EPN2: variants seen among roughly 807,000 people sequenced by gnomAD.
EPN2 encodes epsin 2.
Under a neutral mutation model 61.7 loss-of-function variants are expected in EPN2, and 34 were observed. That is an observed-to-expected ratio of 0.55 (90% CI 0.42 to 0.73). The LOEUF (loss-of-function observed/expected upper bound fraction) is 0.73. Among genes scored for constraint, EPN2 ranks in the 30% least tolerant of loss-of-function variants. EPN2 has a pLI of 0.00. For missense variants in EPN2, 714 were observed against 839.2 expected, an observed-to-expected ratio of 0.85 and a Z score of 1.84; for synonymous variants, 349 against 353.6, an observed-to-expected ratio of 0.99 and a Z score of 0.15.
intron 1 of EPN2, among the ~76,000 whole-genome samples, chr17:19,243,116 T>G (rs1302338768): frequency 2.0e-5 from 3 of 152,122 alleles, no homozygotes; most frequent in African/African-American, 7.2e-5. Flanking sequence ...GCCTTGTTTC[T>G]CAAACTCCTG....
intron 5 of EPN2, among the ~76,000 whole-genome samples, chr17:19,311,452 T>A (rs1408969416): frequency 6.6e-6 from 1 of 152,108 alleles, no homozygotes; most frequent in Non-Finnish European, 1.5e-5. Flanking sequence ...TGAGACCCTA[T>A]CTCTTAAAAA....
chr17:19,284,592 A>G (rs1356203409), intron 3 of EPN2, among the ~76,000 whole-genome samples: 1 of 152,240 alleles, frequency 6.6e-6, no homozygotes, highest in Non-Finnish European at 1.5e-5. Context: ...TGCTAAAACA[A>G]AAGTGCAGAT....
intron 1 of EPN2, among the ~76,000 whole-genome samples, chr17:19,244,547 T>C (rs976065847): frequency 1.3e-5 from 2 of 152,124 alleles, no homozygotes; most frequent in Non-Finnish European, 1.5e-5. Flanking sequence ...CCACTTGGCA[T>C]GGACCACTGG....
chr17:19,288,332 C>T (rs1180353343), intron 4 of EPN2, among the ~76,000 whole-genome samples: 1 of 152,238 alleles, frequency 6.6e-6, no homozygotes, highest in Non-Finnish European at 1.5e-5. Context: ...GCCCCTTGCC[C>T]TCGTGGAGCT....
rs1907331223 is a variant in EPN2, at chr17:19,334,934, A to T, written c.*680A>T. On this transcript the variant is annotated 3_prime_UTR_variant, in exon 11 of 11. Transcript: ENST00000314728. This position sits in a 1 kb window ranked among gnomAD's most constrained non-coding sequence, Gnocchi z 4.9. The stretch of plus-strand genomic sequence containing the variant: ...GTCTTTTTTTGGCTAATATTTTTAT[A>T]ACGTGGTTCTTATTTAACTGTCTAG... 1 of 153,906 alleles carries T rather than the reference A, an allele frequency of 6.5e-6. No homozygotes were observed. Among genetic ancestry groups the T allele is most frequent in the South Asian group, 2.0e-4 (1 of 4,926 alleles). 9.5% of individuals were successfully genotyped at this position (153,906 alleles called of 1,614,324 possible).
intron 7 of EPN2, among the ~76,000 whole-genome samples, chr17:19,324,722 GA>G (rs1294529942): frequency 5.3e-5 from 8 of 152,164 alleles, no homozygotes; most frequent in African/African-American, 1.7e-4. Flanking sequence ...TAGTAAAAAA[GA>G]TATAATGAAG....
chr17:19,300,531 C>T lies in EPN2; in HGVS notation c.767-9354C>T, dbSNP rs556300900. ...GCAGCCTCCGCCTCCTGGGTTCAGGCGATTCTCCTGCCTCAGCCTCCCAAG... is the reference window on the plus strand; with the variant it reads ...GCAGCCTCCGCCTCCTGGGTTCAGGTGATTCTCCTGCCTCAGCCTCCCAAG... On this transcript the variant is annotated intron_variant, in intron 4 of 10. Coordinates refer to ENST00000314728, the MANE Select transcript of EPN2 (RefSeq NM_014964.5). Among the ~76,000 whole-genome samples the T allele has an allele frequency of 1.1e-4, 16 of 144,988 alleles. No individual in the cohort carries two copies. The East Asian group carries it at 1.9e-3, about 17-fold the overall frequency.
At position 19,335,419 on chromosome 17, in the gene EPN2, A is replaced by G; in HGVS notation, c.*1165A>G. The stretch of plus-strand genomic sequence containing the variant: ...TTTTATTAAAGGCATGCAGGGATTA[A>G]CAGGACTTCTGTTTACAATGGAAAT... On this transcript the variant is annotated 3_prime_UTR_variant, in exon 11 of 11. Coordinates refer to ENST00000314728, the MANE Select transcript of EPN2 (RefSeq NM_014964.5). The G allele has an allele frequency of 6.5e-7, 1 of 1,550,286 alleles. No individual in the cohort carries two copies.
intron 7 of EPN2, among the ~76,000 whole-genome samples, chr17:19,322,188 G>A (rs1414587666): frequency 6.6e-6 from 1 of 152,242 alleles, no homozygotes; most frequent in Non-Finnish European, 1.5e-5. Flanking sequence ...GCCTCTAGAA[G>A]GTTGTGGGTT....
chr17:19,283,136 TC>T lies in EPN2; in HGVS notation c.18del (p.Arg7AspfsTer4). ...AAAATAAAAATGACGACTTCGTCTA[TC>T]AGACGGCAGATGAAAAACATCGTGA... is the stretch of plus-strand genomic sequence containing the variant. MTTSS[I>X]RRQMKNIVNN... On this transcript the variant is annotated frameshift_variant, in exon 3 of 11. Coordinates refer to ENST00000314728, the MANE Select transcript of EPN2 (RefSeq NM_014964.5). LOFTEE classifies it high-confidence loss of function. The surrounding 1 kb of genome is among the most constrained non-coding windows in gnomAD (Gnocchi z 7.0). The T allele has an allele frequency of 6.2e-7, 1 of 1,610,346 alleles. No individual in the cohort carries two copies. Among genetic ancestry groups the T allele is most frequent in the Non-Finnish European group, 8.5e-7 (1 of 1,178,376 alleles).
chr17:19,276,213 A>G (rs1014851615), intron 1 of EPN2, among the ~76,000 whole-genome samples: 4 of 152,014 alleles, frequency 2.6e-5, no homozygotes, highest in African/African-American at 9.7e-5. Flanking sequence ...TTTTTGAGAC[A>G]AAGTTGCTCT....
chr17:19,316,602 T>C (rs1279913291), intron 7 of EPN2, among the ~76,000 whole-genome samples: 1 of 152,228 alleles, frequency 6.6e-6, no homozygotes, highest in Non-Finnish European at 1.5e-5. Context: ...CTTGTCTGCT[T>C]CCTGTCTTTT....
At chr17:19,257,848 G>A (rs1024685371) in intron 1 of EPN2, 2 of 152,164 alleles carry the variant, frequency 1.3e-5, no homozygotes, top group African/African-American at 4.8e-5. Flanking sequence ...AATTGTGTTT[G>A]TTTAGTCCTC....
At chr17:19,281,780 C>T (rs2045361003) in intron 1 of EPN2, among the ~76,000 whole-genome samples, 175 bp from the exon 2 acceptor site, 1 of 152,022 alleles carries the variant, frequency 6.6e-6, no homozygotes, top group Non-Finnish European at 1.5e-5. Flanking sequence ...GGGTGGAGCC[C>T]CTTGCTTCCT....
At chr17:19,301,040 A>G (rs970164860) in intron 4 of EPN2, among the ~76,000 whole-genome samples, 1 of 152,142 alleles carries the variant, frequency 6.6e-6, no homozygotes, top group Non-Finnish European at 1.5e-5. Flanking sequence ...AGCAGCATAC[A>G]CAGTGTGAGG....
intron 7 of EPN2, among the ~76,000 whole-genome samples, chr17:19,326,529 T>C (rs1352380454): frequency 1.3e-5 from 2 of 151,364 alleles, no homozygotes; most frequent in Non-Finnish European, 2.9e-5. Context: ...TCCTAAAAAA[T>C]ACAAAAAATA....
chr17:19,323,620 A>G (rs1208436049), intron 7 of EPN2, among the ~76,000 whole-genome samples: 1 of 152,272 alleles, frequency 6.6e-6, no homozygotes. Context: ...ATTGACAGCA[A>G]CAGTAGATGT....
At chr17:19,321,674 G>A (rs973663968) in intron 7 of EPN2, among the ~76,000 whole-genome samples, 1 of 151,766 alleles carries the variant, frequency 6.6e-6, no homozygotes, top group African/African-American at 2.4e-5. Context: ...GGGAGATGAT[G>A]CATGGTCAGG....
intron 6 of EPN2, 75 bp downstream of exon 6, chr17:19,312,219 C>T: frequency 1.9e-6 from 2 of 1,053,928 alleles, no homozygotes; most frequent in East Asian, 2.4e-5. Context: ...CACCAACTTG[C>T]CTGGATGGCG....
Sources: gnomAD v4.1 joint callset for allele counts (sites outside exome capture counted in the v4.1 genomes callset) on GRCh38, gnomAD v4.1.1 for gene constraint, Gnocchi (gnomAD v3.1) non-coding constraint, MANE v1.5 for transcripts, NCBI Gene and HGNC (gene_info 2026-07-23, HGNC 2026-07-21) for gene names.